The following ZNF716 variants were observed in gnomAD, a reference collection of about 807,000 sequenced individuals.
ZNF716 encodes zinc finger protein 716.
ZNF716 carries 9 observed loss-of-function variants against 13.4 expected under a neutral mutation model. The observed-to-expected ratio is 0.67, with a 90% confidence interval of 0.41 to 1.18. The LOEUF (loss-of-function observed/expected upper bound fraction) is 1.18, where lower values mean the gene tolerates loss of function less well. Ranked by LOEUF, ZNF716 falls within the 50% of genes most tolerant of loss-of-function variation. ZNF716 has a pLI of 0.01. For synonymous variants in ZNF716, 186 were observed against 195.2 expected (o/e 0.95, Z 0.39); for missense variants, 581 against 576.6 (o/e 1.01, Z -0.08).
chr7:57,470,108 A>T lies in ZNF716; in HGVS notation c.*159A>T. On this transcript the variant is annotated 3_prime_UTR_variant, in exon 4 of 4. Coordinates refer to ENST00000420713, the MANE Select transcript of ZNF716 (RefSeq NM_001159279.1). ...TTGGACAAAAGTCTTATAAATGTAA[A>T]AAAAAAAGTAACAGCCTTTAACCAC... is the stretch of plus-strand genomic sequence containing the variant. 6.7e-6 allele frequency: 5 copies of T among 746,478 alleles called. No homozygotes were observed. In the South Asian group the frequency reaches 1.4e-4, roughly 20 times the overall value. 46.2% of individuals were successfully genotyped at this position (746,478 alleles called of 1,614,324 possible).
intron 3 of ZNF716, 148 bp downstream of exon 3, chr7:57,463,316 T>A: frequency 2.0e-6 from 2 of 1,023,172 alleles, no homozygotes; most frequent in Non-Finnish European, 1.4e-6. Flanking sequence ...TATGCTTACA[T>A]AGGGACACCT....
chr7:57,464,115 C>CTTTTTTTTTTTTTTTTTT (rs782745508), intron 3 of ZNF716, among the ~76,000 whole-genome samples: 3 of 110,238 alleles, frequency 2.7e-5, no homozygotes, highest in Non-Finnish European at 3.5e-5. Context: ...TTGTCCATTT[C>CTTTTTTTTTTTTTTTTTT]TTTTTTCTTT....
At chr7:57,462,655 A>G in intron 2 of ZNF716, 69 bp downstream of exon 2, 1 of 1,496,032 alleles carries the variant, frequency 6.7e-7, no homozygotes, top group Non-Finnish European at 9.1e-7. Context: ...GATTTTGGTA[A>G]TTTCTGCTTT....
At chr7:57,468,218 G>T (rs56001100) in intron 3 of ZNF716, among the ~76,000 whole-genome samples, 18,260 of 152,018 alleles carry the variant, frequency 0.12, 1,436 homozygotes, top group African/African-American at 0.22. Flanking sequence ...TCTGTCCATG[G>T]TACAGCAGTC....
rs1250056850 is a variant in ZNF716, at chr7:57,460,112, G to A, written c.40-2348G>A. Among the ~76,000 whole-genome samples, 46 of 152,236 alleles carry A rather than the reference G, an allele frequency of 3.0e-4. 1 individual carries two copies. Among genetic ancestry groups the A allele is most frequent in the African/African-American group, 1.1e-3 (46 of 41,532 alleles). On this transcript the variant is annotated intron_variant, in intron 1 of 3. Coordinates refer to ENST00000420713, the MANE Select transcript of ZNF716 (RefSeq NM_001159279.1). ...AGATCAAGAGCAGCATTCAGGCCGG[G>A]TGCGGTGGCTCACGCCTGTAATCCG... is the stretch of plus-strand genomic sequence containing the variant.
chr7:57,454,647 A>C lies in ZNF716; in HGVS notation c.39+4320A>C, dbSNP rs143558566. 7.0e-3 allele frequency among the ~76,000 whole-genome samples: 1,059 copies of C among 152,298 alleles called. 20 individuals carry two copies. The highest frequency in any genetic ancestry group is 0.024 in the African/African-American group (992 of 41,572). On this transcript the variant is annotated intron_variant, in intron 1 of 3. Coordinates refer to ENST00000420713, the MANE Select transcript of ZNF716 (RefSeq NM_001159279.1). ...GTTAGAATGGATGGGAATTGGGAGG[A>C]TCTTACTGAAAATAAAGGTGTTTTG...
rs778986781 is a variant in ZNF716, at chr7:57,467,537, C to CA, written c.263-1187_263-1186insA. ...TTTTCAGCACTTTGACCATTTTGCA[C>CA]GTTTTTTTCTGATCTGCAAGGTTTC... On this transcript the variant is annotated intron_variant, in intron 3 of 3. Transcript: ENST00000420713. 4.7e-4 allele frequency among the ~76,000 whole-genome samples: 59 copies of CA among 126,706 alleles called. 1 individual carries two copies. The highest frequency in any genetic ancestry group is 7.5e-4 in the Non-Finnish European group (43 of 57,204). The allele number at this position is 126,706 out of a possible 152,430, so 83.1% of individuals were successfully genotyped here. A position where few individuals can be genotyped will look rare whatever the true frequency, so the allele number is the denominator to read the frequency against.
Position 57,470,128 on chromosome 7 carries a change from A to G in ZNF716, c.*179A>G. ...TGTAAAAAAAAAAGTAACAGCCTTT[A>G]ACCACCCCTCAAACCTTAATGAACC... On this transcript the variant is annotated 3_prime_UTR_variant, in exon 4 of 4. Transcript: ENST00000420713. 3.0e-6 allele frequency: 2 copies of G among 663,488 alleles called. No homozygotes were observed. Among genetic ancestry groups the G allele is most frequent in the Non-Finnish European group, 4.7e-6 (2 of 428,460 alleles). The allele number at this position is 663,488 out of a possible 1,614,324, so 41.1% of individuals were successfully genotyped here.
chr7:57,473,378 G>A lies in ZNF716; in HGVS notation c.*3429G>A, dbSNP rs1372547471. Reference sequence around the variant, plus strand: ...TACTAAAAATACAAAAAATTAGCTGGGCATGGTGGTGCATGCCCATGGTCC... The same window carrying A: ...TACTAAAAATACAAAAAATTAGCTGAGCATGGTGGTGCATGCCCATGGTCC... On this transcript the variant is annotated 3_prime_UTR_variant, in exon 4 of 4. Coordinates refer to ENST00000420713, the MANE Select transcript of ZNF716 (RefSeq NM_001159279.1). The A allele has an allele frequency of 2.0e-5, 3 of 151,998 alleles. No individual in the cohort carries two copies. The highest frequency in any genetic ancestry group is 7.3e-5 in the African/African-American group (3 of 41,350). The allele number at this position is 151,998 out of a possible 1,614,324, so 9.4% of individuals were successfully genotyped here.
In ZNF716 at chr7:57,473,007, A is replaced by G. The variant is rs1297588900; in HGVS notation, c.*3058A>G. On this transcript the variant is annotated 3_prime_UTR_variant, in exon 4 of 4. Transcript: ENST00000420713. ...TGTATTACAAACAATCCCATTATAC[A>G]GTTTTAGTTATTTCAATATGTGCAA... 1.3e-5 allele frequency: 2 copies of G among 152,174 alleles called. No homozygotes were observed. Among genetic ancestry groups the G allele is most frequent in the Non-Finnish European group, 2.9e-5 (2 of 68,038 alleles). 9.4% of individuals were successfully genotyped at this position (152,174 alleles called of 1,614,324 possible).
chr7:57,457,383 C>T (rs1789616583), intron 1 of ZNF716, among the ~76,000 whole-genome samples: 1 of 152,182 alleles, frequency 6.6e-6, no homozygotes, highest in East Asian at 1.9e-4. Context: ...CTTGCTCTGT[C>T]ACCCAGGCTG....
In ZNF716 at chr7:57,469,937, C is replaced by G. The variant is rs1371587638; in HGVS notation, c.1476C>G (p.Tyr492Ter). The G allele has an allele frequency of 6.4e-7, 1 of 1,558,354 alleles. No homozygotes were observed. Among genetic ancestry groups the G allele is most frequent in the African/African-American group, 1.4e-5 (1 of 72,934 alleles). ...HKNMHTGEKPYKYE is the reference protein window; with the variant it reads ...HKNMHTGEKP ...ATATGCATACTGGAGAGAAACCCTA[C>G]AAATATGAATAATGTGGTAAAGTCC... Residue 492 changes from tyrosine (Y) to a stop codon, truncating the protein, a stop_gained, in exon 4 of 4, where the codon TAC becomes TAG. Coordinates refer to ENST00000420713, the MANE Select transcript of ZNF716 (RefSeq NM_001159279.1). LOFTEE classifies it high-confidence loss of function.
intron 1 of ZNF716, among the ~76,000 whole-genome samples, chr7:57,457,847 C>G (rs141922784): frequency 6.6e-6 from 1 of 152,266 alleles, no homozygotes; most frequent in East Asian, 1.9e-4. Flanking sequence ...CTGTTGTTCT[C>G]TTATCTTTGT....
At chr7:57,453,332 G>A (rs1053329889) in intron 1 of ZNF716, among the ~76,000 whole-genome samples, 3 of 152,218 alleles carry the variant, frequency 2.0e-5, no homozygotes, top group African/African-American at 7.2e-5. Flanking sequence ...GTGATTGGAC[G>A]GTTTGATTTG....
intron 1 of ZNF716, among the ~76,000 whole-genome samples, chr7:57,454,008 T>G (rs1341307423): frequency 6.6e-6 from 1 of 152,130 alleles, no homozygotes; most frequent in Non-Finnish European, 1.5e-5. Flanking sequence ...AATTTTTGTA[T>G]TTTTAGTAAA....
intron 1 of ZNF716, among the ~76,000 whole-genome samples, chr7:57,452,357 G>A (rs557604187): frequency 5.3e-5 from 8 of 152,082 alleles, no homozygotes; most frequent in Non-Finnish European, 8.8e-5. Flanking sequence ...AGCAGGGGCC[G>A]GACGCGGTGG....
intron 1 of ZNF716, among the ~76,000 whole-genome samples, chr7:57,450,565 C>G (rs974696883): frequency 9.2e-5 from 14 of 152,046 alleles, no homozygotes; most frequent in Non-Finnish European, 1.6e-4. Context: ...TGGACTGGAG[C>G]CCTCTCTGGG....
rs782720376 is a variant in ZNF716, at chr7:57,468,902, A to G, written c.441A>G (p.Gln147=). 8.1e-5 allele frequency: 130 copies of G among 1,613,226 alleles called. 2 individuals carry two copies. Among genetic ancestry groups the G allele is most frequent in the Middle Eastern group, 4.9e-4 (3 of 6,082 alleles). ...AAGGAGGTTATAATTATGTTAACCA[A>G]TGTTTGTCAGCTACCCAAAACAAAA... is the stretch of plus-strand genomic sequence containing the variant. ...VHKGGYNYVN[Q]CLSATQNKTF... is the part of the protein sequence containing the mutation. The change falls in exon 4 of 4, where the codon CAA becomes CAG. Residue 147 remains glutamine (Q), a synonymous_variant. Transcript: ENST00000420713.
chr7:57,469,635 C>G lies in ZNF716; in HGVS notation c.1174C>G (p.Pro392Ala), dbSNP rs367633293. 1 of 1,609,946 alleles carries G rather than the reference C, an allele frequency of 6.2e-7. No individual in the cohort carries two copies. The highest frequency in any genetic ancestry group is 1.4e-5 in the African/African-American group (1 of 73,388). The change falls in exon 4 of 4, where the codon CCC becomes GCC. Residue 392 changes from proline (P) to alanine (A), a missense_variant. Pro to Ala is a conservative substitution (Grantham distance 27). Transcript: ENST00000420713. ...CEECGKAFSL[P>A]STFTYHKRTH... ...AGAATGTGGCAAAGCCTTTAGCTTA[C>G]CCTCAACCTTCACTTACCACAAGAG...
Sources: allele counts gnomAD v4.1 joint callset (sites outside exome capture counted in the v4.1 genomes callset), GRCh38; gene constraint gnomAD v4.1.1; transcripts MANE v1.5; gene names NCBI Gene and HGNC (gene_info 2026-07-23, HGNC 2026-07-21).